The following GRID2 variants were observed in gnomAD, a reference collection of about 807,000 sequenced individuals.
The protein encoded by GRID2 is glutamate ionotropic receptor delta type subunit 2.
GRID2 carries 33 observed loss-of-function variants against 114.8 expected under a neutral mutation model. The observed-to-expected ratio is 0.29, with a 90% CI of 0.22 to 0.38. The LOEUF (loss-of-function observed/expected upper bound fraction) is 0.38. Ranked by LOEUF, GRID2 falls within the 10% of genes least tolerant of loss-of-function variation. GRID2 has a pLI of 1.00. For synonymous variants in GRID2, 505 were observed against 449.9 expected, an observed-to-expected ratio of 1.12 and a Z score of -1.55; for missense variants, 1,184 against 1,257.7, an observed-to-expected ratio of 0.94 and a Z score of 0.89.
At chr4:93,066,518 G>A (rs879752832) in intron 2 of GRID2, among the ~76,000 whole-genome samples, 5 of 151,658 alleles carry the variant, frequency 3.3e-5, no homozygotes, top group Non-Finnish European at 4.4e-5. Flanking sequence ...GTCCTCCCTC[G>A]TTTACAGGGA....
chr4:92,455,149 G>A (rs998504372), intron 1 of GRID2, among the ~76,000 whole-genome samples: 3 of 152,016 alleles, frequency 2.0e-5, no homozygotes, highest in Admixed American at 6.5e-5. Flanking sequence ...ATCTTTGAAA[G>A]GCACTAGAAT....
At chr4:92,319,659 G>A (rs1392148625) in intron 1 of GRID2, among the ~76,000 whole-genome samples, 1 of 152,172 alleles carries the variant, frequency 6.6e-6, no homozygotes, top group African/African-American at 2.4e-5. Context: ...TCTGGACAAA[G>A]CAGAGAAGAA....
intron 1 of GRID2, among the ~76,000 whole-genome samples, chr4:93,785,832 G>A (rs1006132210): frequency 6.6e-6 from 1 of 152,150 alleles, no homozygotes; most frequent in Non-Finnish European, 1.5e-5. Flanking sequence ...TAGTAAAGAG[G>A]TGGAAAGGAA....
intron 1 of GRID2, among the ~76,000 whole-genome samples, chr4:92,463,315 G>C (rs1721587730): frequency 1.3e-5 from 2 of 151,956 alleles, no homozygotes; most frequent in South Asian, 4.1e-4. Context: ...AAAATCACTT[G>C]TATCTAATAT....
In GRID2 at chr4:93,224,468, A is replaced by G. The variant is rs1579341207; in HGVS notation, c.964-146A>G. On this transcript the variant is annotated intron_variant, in intron 6 of 15. Transcript: ENST00000282020. ...TTCTCAATGACAAAATTGCCCAGGA[A>G]ATGACAAAAGAAACCTTCTGCTTAA... The G allele has an allele frequency of 7.3e-6, 4 of 551,668 alleles. No individual in the cohort carries two copies. In the East Asian group the frequency reaches 1.2e-4, roughly 16 times the overall value. 34.2% of individuals were successfully genotyped at this position (551,668 alleles called of 1,614,324 possible).
In GRID2 at chr4:93,514,642, G is replaced by A. The variant is rs1729528306; in HGVS notation, c.1998-574G>A. Among the ~76,000 whole-genome samples, 11 of 151,896 alleles carry A rather than the reference G, an allele frequency of 7.2e-5. No individual in the cohort carries two copies. In the South Asian group the frequency reaches 2.3e-3, roughly 32 times the overall value. On this transcript the variant is annotated intron_variant, in intron 12 of 15. Coordinates refer to ENST00000282020, the MANE Select transcript of GRID2 (RefSeq NM_001510.4). ...ACCTCAGTCTCTTCCTCTATAAAATGGGTCAAATAATTATTGATGTGAGGC... is the reference window on the plus strand; with the variant it reads ...ACCTCAGTCTCTTCCTCTATAAAATAGGTCAAATAATTATTGATGTGAGGC...
At chr4:92,856,101 T>A (rs114406784) in intron 2 of GRID2, among the ~76,000 whole-genome samples, 1 of 152,224 alleles carries the variant, frequency 6.6e-6, no homozygotes, top group African/African-American at 2.4e-5. Flanking sequence ...TGGTTATCTG[T>A]ATCTCTACTC....
intron 1 of GRID2, among the ~76,000 whole-genome samples, chr4:92,358,081 G>T (rs1422075374): frequency 1.3e-5 from 2 of 151,924 alleles, no homozygotes; most frequent in African/African-American, 4.8e-5. Flanking sequence ...GGGATTTAAT[G>T]AGGAGAAAAG....
chr4:93,583,123 C>T (rs918448348), intron 13 of GRID2, among the ~76,000 whole-genome samples: 13 of 152,234 alleles, frequency 8.5e-5, no homozygotes, highest in South Asian at 4.1e-4. Flanking sequence ...GTGTCCTTTT[C>T]GGTCTCTCAC....
intron 2 of GRID2, among the ~76,000 whole-genome samples, chr4:92,641,452 TC>T (rs1731346457): frequency 1.5e-5 from 2 of 131,238 alleles, no homozygotes; most frequent in South Asian, 5.5e-4. Context: ...TATTTTTTTT[TC>T]TTTTTTTTTT....
chr4:93,255,432 T>A (rs1407318617), intron 8 of GRID2, among the ~76,000 whole-genome samples: 2 of 152,072 alleles, frequency 1.3e-5, no homozygotes, highest in African/African-American at 4.8e-5. Context: ...GAGAAAACGT[T>A]TTTGTTTTGT....
At chr4:93,553,336 G>C (rs978074116) in intron 13 of GRID2, among the ~76,000 whole-genome samples, 1 of 152,136 alleles carries the variant, frequency 6.6e-6, no homozygotes, top group Admixed American at 6.5e-5. Context: ...CTGGTGAGAG[G>C]TGGTATCTCA....
At chr4:92,757,688 A>G (rs1409923064) in intron 2 of GRID2, among the ~76,000 whole-genome samples, 1 of 152,078 alleles carries the variant, frequency 6.6e-6, no homozygotes, top group Non-Finnish European at 1.5e-5. Context: ...ACTAACATAC[A>G]GAGTTAATTT....
At chr4:92,899,493 C>T (rs922168495) in intron 2 of GRID2, among the ~76,000 whole-genome samples, 1 of 152,190 alleles carries the variant, frequency 6.6e-6, no homozygotes, top group Middle Eastern at 3.4e-3. Flanking sequence ...CTAGGATAAA[C>T]CCTGTGCATT....
chr4:92,318,355 T>C lies in GRID2; in HGVS notation c.88+13611T>C, dbSNP rs1238121424. Reference sequence around the variant, plus strand: ...AGCAATATTATATCTGTTGTTACTCTGCTCACAGAGAAATCGACTGGTTCA... The same window carrying C: ...AGCAATATTATATCTGTTGTTACTCCGCTCACAGAGAAATCGACTGGTTCA... On this transcript the variant is annotated intron_variant, in intron 1 of 15. Coordinates refer to ENST00000282020, the MANE Select transcript of GRID2 (RefSeq NM_001510.4). Among the ~76,000 whole-genome samples the C allele has an allele frequency of 2.7e-5, 4 of 146,598 alleles. No individual in the cohort carries two copies. The East Asian group carries it at 7.9e-4, about 29-fold the overall frequency.
chr4:93,166,154 T>C (rs760765110), intron 4 of GRID2: 1 of 152,204 alleles, frequency 6.6e-6, no homozygotes, highest in Non-Finnish European at 1.5e-5. Context: ...ATTTAAACAC[T>C]AACATACGTG....
intron 2 of GRID2, among the ~76,000 whole-genome samples, chr4:92,679,619 T>C (rs1733548084): frequency 6.6e-6 from 1 of 152,100 alleles, no homozygotes; most frequent in African/African-American, 2.4e-5. Context: ...TTCATTAATA[T>C]ACATCTTTCA....
At chr4:92,350,317 ACTCT>A (rs748994571) in intron 1 of GRID2, among the ~76,000 whole-genome samples, 8 of 151,232 alleles carry the variant, frequency 5.3e-5, no homozygotes, top group Middle Eastern at 3.4e-3. Context: ...AATATCCACT[ACTCT>A]CTCTCTTTCT....
intron 1 of GRID2, among the ~76,000 whole-genome samples, chr4:92,308,192 A>G (rs1476121591): frequency 6.6e-6 from 1 of 152,176 alleles, no homozygotes. Context: ...ATTAGGTGGC[A>G]TTTCCAGTCA....
Sources: gnomAD v4.1 joint callset for allele counts (sites outside exome capture counted in the v4.1 genomes callset) on GRCh38, gnomAD v4.1.1 for gene constraint, MANE v1.5 for transcripts, NCBI Gene and HGNC (gene_info 2026-07-23, HGNC 2026-07-21) for gene names.